RBM6: variants seen among roughly 807,000 people sequenced by gnomAD.
RBM6 encodes RNA-binding protein 6.
Under a neutral mutation model 140.4 loss-of-function variants are expected in RBM6, and 23 were observed. The ratio of observed to expected loss-of-function variants is 0.16; its 90% CI spans 0.12 to 0.23. The LOEUF is 0.23. RBM6 is among the 10% of genes least tolerant of loss of function. RBM6 has a pLI of 1.00. For missense variants in RBM6, 1,139 were observed against 1,386.7 expected (o/e 0.82, Z 2.84); for synonymous variants, 439 against 475.6 (o/e 0.92, Z 1.00).
intron 5 of RBM6, among the ~76,000 whole-genome samples, chr3:49,983,849 A>T (rs1386847246): frequency 6.6e-6 from 1 of 152,124 alleles, no homozygotes; most frequent in Non-Finnish European, 1.5e-5. Context: ...AGTCTTGTGG[A>T]GGCAGTGGAT....
chr3:50,037,025 C>G (rs1326890700), intron 6 of RBM6, among the ~76,000 whole-genome samples: 3 of 151,986 alleles, frequency 2.0e-5, no homozygotes, highest in African/African-American at 7.2e-5. Context: ...ACCTCGTGAT[C>G]CATCCACCTT....
At chr3:49,969,710 AC>A (rs1306905549) in intron 3 of RBM6, among the ~76,000 whole-genome samples, 1 of 148,578 alleles carries the variant, frequency 6.7e-6, no homozygotes, top group Non-Finnish European at 1.5e-5. Context: ...CGATCCTCCC[AC>A]CTCAGCCTTC....
intron 1 of RBM6, among the ~76,000 whole-genome samples, chr3:49,941,303 TACCTA>T (rs1347949723): frequency 1.3e-5 from 2 of 152,158 alleles, no homozygotes; most frequent in Non-Finnish European, 2.9e-5. Context: ...TCTAACTAGA[TACCTA>T]ACCTGCAGGA....
chr3:49,974,177 G>C (rs1187327042), intron 4 of RBM6, among the ~76,000 whole-genome samples: 1 of 151,682 alleles, frequency 6.6e-6, no homozygotes, highest in Non-Finnish European at 1.5e-5. Flanking sequence ...GATTACAGAT[G>C]TGAGCCACCG....
chr3:50,026,348 G>C (rs1218396447), intron 6 of RBM6, among the ~76,000 whole-genome samples: 1 of 149,600 alleles, frequency 6.7e-6, no homozygotes, highest in East Asian at 2.0e-4. Flanking sequence ...CTCCCAAAGT[G>C]CTAGGATTAT....
chr3:49,954,857 C>T (rs1575534381), intron 1 of RBM6, among the ~76,000 whole-genome samples: 2 of 151,384 alleles, frequency 1.3e-5, no homozygotes, highest in East Asian at 4.0e-4. Context: ...CTCCCAGGTT[C>T]ACACCATTCT....
chr3:50,060,836 G>A (rs967495169), intron 11 of RBM6, 120 bp from the exon 12 acceptor site: 61 of 977,050 alleles, frequency 6.2e-5, no homozygotes, highest in Non-Finnish European at 5.4e-5. Context: ...TGCTGTCTAG[G>A]TTGGTTCCTT....
rs879431783 is a variant in RBM6, at chr3:50,019,041, A to AT, written c.1557+19540dup. ...TAGCCATTTTTATTTTTATTTATTT[A>AT]TTTTTTTTTTTTGAGACAAGGTCTT... On this transcript the variant is annotated intron_variant, in intron 6 of 20. Coordinates refer to ENST00000266022, the MANE Select transcript of RBM6 (RefSeq NM_005777.3). 5.1e-3 allele frequency among the ~76,000 whole-genome samples: 733 copies of AT among 143,160 alleles called. 4 individuals are homozygous for AT. Among genetic ancestry groups the AT allele is most frequent in the Middle Eastern group, 0.011 (3 of 274 alleles). 93.9% of individuals were successfully genotyped at this position (143,160 alleles called of 152,430 possible).
At position 49,967,734 on chromosome 3, in the gene RBM6, T is replaced by A. The variant is rs1174198320; in HGVS notation, c.309T>A (p.Ser103=). Residue 103 remains serine, a synonymous_variant, in exon 3 of 21, where the codon TCT becomes TCA. Transcript: ENST00000266022. This position sits in a 1 kb window ranked among gnomAD's most constrained non-coding sequence, Gnocchi z 4.0. ...HDFRGGDFSS[S]DFQSRDSSQL... is the part of the protein sequence containing the mutation. Reference sequence around the variant, plus strand: ...TCAGGGGGGGAGATTTTTCGTCTTCTGATTTCCAGAGCAGAGATTCATCAC... The same window carrying A: ...TCAGGGGGGGAGATTTTTCGTCTTCAGATTTCCAGAGCAGAGATTCATCAC... 6.2e-7 allele frequency: 1 copy of A among 1,614,046 alleles called. No homozygotes were observed. Among genetic ancestry groups the A allele is most frequent in the Non-Finnish European group, 8.5e-7 (1 of 1,180,050 alleles).
At chr3:49,941,023 C>G (rs556375541) in intron 1 of RBM6, 2 of 150,226 alleles carry the variant, frequency 1.3e-5, no homozygotes, top group Non-Finnish European at 2.9e-5. Flanking sequence ...TGAAGGAGTT[C>G]AGTAGACATG....
intron 14 of RBM6, 77 bp from the exon 15 acceptor site, chr3:50,061,885 A>G: frequency 6.5e-7 from 1 of 1,535,420 alleles, no homozygotes; most frequent in South Asian, 1.3e-5. Context: ...CCTAAAAGGG[A>G]ACTGTGCGCC....
chr3:49,966,720 G>A (rs2084532534), intron 2 of RBM6, among the ~76,000 whole-genome samples: 2 of 152,000 alleles, frequency 1.3e-5, no homozygotes, highest in Admixed American at 6.6e-5. Context: ...GCTGTTGCGT[G>A]GCTTAGATGA....
intron 6 of RBM6, among the ~76,000 whole-genome samples, chr3:50,007,428 T>C (rs547810163): frequency 9.9e-4 from 150 of 152,004 alleles, no homozygotes; most frequent in African/African-American, 3.4e-3. Flanking sequence ...GTCAAAGCGA[T>C]CTGCCTACCT....
At chr3:49,984,099 C>A (rs1197484987) in intron 5 of RBM6, among the ~76,000 whole-genome samples, 1 of 152,068 alleles carries the variant, frequency 6.6e-6, no homozygotes, top group Non-Finnish European at 1.5e-5. Context: ...CGAGACCACC[C>A]TGGGCAACAT....
chr3:50,063,609 A>G (rs935653194), intron 15 of RBM6, among the ~76,000 whole-genome samples: 1 of 151,228 alleles, frequency 6.6e-6, no homozygotes, highest in African/African-American at 2.4e-5. Flanking sequence ...AAAAAAAAAA[A>G]AAGAAAATCT....
chr3:49,968,970 CT>C (rs34699382), intron 3 of RBM6, among the ~76,000 whole-genome samples: 64 of 141,878 alleles, frequency 4.5e-4, no homozygotes, highest in Middle Eastern at 3.6e-3. Flanking sequence ...GCCCGGCCTG[CT>C]TTTTTTTTTT....
At chr3:49,946,272 G>A (rs1458721083) in intron 1 of RBM6, among the ~76,000 whole-genome samples, 3 of 150,290 alleles carry the variant, frequency 2.0e-5, no homozygotes, top group East Asian at 1.9e-4. Context: ...ACAGATTCTC[G>A]CTCTGTCACG....
At chr3:49,954,206 C>CTA (rs2083868215) in intron 1 of RBM6, among the ~76,000 whole-genome samples, 1 of 151,674 alleles carries the variant, frequency 6.6e-6, no homozygotes, top group Non-Finnish European at 1.5e-5. Flanking sequence ...TTGGGAGGAC[C>CTA]AGGCGGGCGG....
At chr3:49,958,953 A>T (rs2084147573) in intron 1 of RBM6, among the ~76,000 whole-genome samples, 1 of 151,506 alleles carries the variant, frequency 6.6e-6, no homozygotes, top group Non-Finnish European at 1.5e-5. Context: ...CTGCTACTGC[A>T]CCTGGCTAAT....
Sources: gnomAD v4.1 joint callset for allele counts (sites outside exome capture counted in the v4.1 genomes callset) on GRCh38, gnomAD v4.1.1 for gene constraint, Gnocchi (gnomAD v3.1) non-coding constraint, MANE v1.5 for transcripts, NCBI Gene and HGNC (gene_info 2026-07-23, HGNC 2026-07-21) for gene names.